Variants in HELB observed in about 807,000 individuals in gnomAD.
HELB encodes the protein DNA 5'-3' helicase B.
HELB carries 96 observed loss-of-function variants against 101.7 expected under a neutral mutation model. The observed-to-expected ratio is 0.94, with a 90% CI of 0.80 to 1.12. The LOEUF (loss-of-function observed/expected upper bound fraction) is 1.12, where lower values mean the gene tolerates loss of function less well. Ranked by LOEUF, HELB falls within the 50% of genes most tolerant of loss-of-function variation. HELB has a pLI of 0.00. For missense variants in HELB, 1,210 were observed against 1,291.9 expected (o/e 0.94, Z 0.97); for synonymous variants, 437 against 459.7 (o/e 0.95, Z 0.63).
chr12:66,310,143 C>A lies in HELB; in HGVS notation c.1215C>A (p.Ser405Arg). Residue 405 changes from serine to arginine, a missense_variant, in exon 4 of 13, where the codon AGC becomes AGA. Ser to Arg is a moderately radical substitution (Grantham distance 110). Transcript: ENST00000247815. ...CAAGCGATGATGCATTGAATGAGAG[C>A]AAACCTGATGAAGTAAGATTAGAAA... Reference protein sequence around the residue: ...ENSSDDALNESKPDEVRLENP... With the variant: ...ENSSDDALNERKPDEVRLENP... 2 of 1,614,194 alleles carry A rather than the reference C, an allele frequency of 1.2e-6. No homozygotes were observed. Among genetic ancestry groups the A allele is most frequent in the Non-Finnish European group, 8.5e-7 (1 of 1,180,024 alleles).
chr12:66,320,199 TA>T (rs1006386056), intron 7 of HELB, among the ~76,000 whole-genome samples: 35 of 148,538 alleles, frequency 2.4e-4, no homozygotes, highest in Admixed American at 2.7e-4. Flanking sequence ...TTATACTCTT[TA>T]AAAAAAAAAG....
chr12:66,334,878 C>A (rs1005024036), intron 12 of HELB, among the ~76,000 whole-genome samples: 2 of 152,048 alleles, frequency 1.3e-5, no homozygotes, highest in Admixed American at 1.3e-4. Flanking sequence ...GTGAGGAGAC[C>A]AGTAGGAGGT....
chr12:66,311,970 C>G (rs551807236), intron 4 of HELB, among the ~76,000 whole-genome samples: 1 of 152,192 alleles, frequency 6.6e-6, no homozygotes, highest in African/African-American at 2.4e-5. Flanking sequence ...GCAAAGGCAT[C>G]GAGGAATATG....
chr12:66,310,646 T>C lies in HELB; in HGVS notation c.1680+38T>C, dbSNP rs200233536. On this transcript the variant is annotated intron_variant, in intron 4 of 12. Coordinates refer to ENST00000247815, the MANE Select transcript of HELB (RefSeq NM_001370285.1). ...ACATTTCATCTGTAGATAAAACATT[T>C]GTCGGCCGGGCACAGTGGCTCACGC... is the stretch of plus-strand genomic sequence containing the variant. 27 of 1,567,692 alleles carry C rather than the reference T, an allele frequency of 1.7e-5. No homozygotes were observed. The East Asian group carries it at 5.8e-4, about 34-fold the overall frequency.
chr12:66,336,885 T>C (rs1478840502), intron 12 of HELB, among the ~76,000 whole-genome samples: 1 of 152,148 alleles, frequency 6.6e-6, no homozygotes, highest in Non-Finnish European at 1.5e-5. Context: ...TTTATGATGG[T>C]GATATTGACT....
Position 66,322,705 on chromosome 12 carries a change from G to T in HELB, c.2238-19G>T. 1.3e-6 allele frequency: 2 copies of T among 1,591,846 alleles called. No individual in the cohort carries two copies. The highest frequency in any genetic ancestry group is 1.7e-6 in the Non-Finnish European group (2 of 1,163,348). ...AGCAGAGACCATTAAGGTGACCCCTGCATTTTCGTGTGTTTCAGGCAAGAC... is the reference window on the plus strand; with the variant it reads ...AGCAGAGACCATTAAGGTGACCCCTTCATTTTCGTGTGTTTCAGGCAAGAC... On this transcript the variant is annotated intron_variant, in intron 8 of 12. Transcript: ENST00000247815.
At chr12:66,315,481 C>T (rs1468855183) in intron 6 of HELB, 98 bp downstream of exon 6, 5 of 799,290 alleles carry the variant, frequency 6.3e-6, no homozygotes, top group Non-Finnish European at 5.3e-6. Flanking sequence ...ACATTAACTA[C>T]ACCTTTTAGC....
rs992507847 is a variant in HELB at position 66,310,363 on chromosome 12, T to G, written c.1435T>G (p.Cys479Gly). The G allele has an allele frequency of 2.0e-5, 33 of 1,614,082 alleles. No homozygotes were observed. In the Admixed American group the frequency reaches 4.5e-4, roughly 22 times the overall value. The change falls in exon 4 of 13, where the codon TGT becomes GGT. Residue 479 changes from cysteine to glycine, a missense_variant. This residue lies in a region of HELB where 740 missense variants were observed against 728.8 expected (regional missense o/e 1.02). Transcript: ENST00000247815. The part of the protein sequence containing the change: ...PVTVISGKGG[C>G]GKTTIVSRLF... ...GACAGTCATAAGTGGGAAAGGTGGA[T>G]GTGGGAAGACCACAATCGTTAGCCG...
rs1432999533 is a variant in HELB, at chr12:66,318,737, C to T, written c.2100C>T (p.Val700=). 2 of 1,611,110 alleles carry T rather than the reference C, an allele frequency of 1.2e-6. No individual in the cohort carries two copies. Among genetic ancestry groups the T allele is most frequent in the East Asian group, 4.5e-5 (2 of 44,690 alleles). ...TTCAAGATAAGACATTTATTTTTGT[C>T]AGGCTCCCAGAAGAGGATGCCAGTT... is the stretch of plus-strand genomic sequence containing the variant. ...ISIQDKTFIF[V]RLPEEDASSQ... is the part of the protein sequence containing the mutation. Residue 700 remains valine (V), a synonymous_variant, in exon 7 of 13, where the codon GTC becomes GTT. Transcript: ENST00000247815.
chr12:66,307,386 C>A (rs983780747), intron 3 of HELB, among the ~76,000 whole-genome samples: 1 of 152,026 alleles, frequency 6.6e-6, no homozygotes. Flanking sequence ...TAAAAAAACC[C>A]TGTAAAATCC....
intron 11 of HELB, 73 bp from the exon 12 acceptor site, chr12:66,331,081 T>G: frequency 6.7e-7 from 1 of 1,498,714 alleles, no homozygotes; most frequent in South Asian, 1.3e-5. Context: ...AACACTTGTC[T>G]CCTTTCCTTG....
downstream of HELB, chr12:66,341,465 A>G (rs765469610): frequency 2.0e-5 from 3 of 152,104 alleles, no homozygotes; most frequent in Non-Finnish European, 2.9e-5. Context: ...CAGGGGAACA[A>G]TGCTTCATCA....
At chr12:66,325,162 T>C in intron 11 of HELB, 36 bp downstream of exon 11, 1 of 1,452,096 alleles carries the variant, frequency 6.9e-7, no homozygotes. Flanking sequence ...TTTAAATAAT[T>C]TACCAACCTT....
chr12:66,328,538 C>T (rs559016911), intron 11 of HELB, among the ~76,000 whole-genome samples: 1 of 152,176 alleles, frequency 6.6e-6, no homozygotes, highest in South Asian at 2.1e-4. Context: ...GAGTGAGACC[C>T]TCTCTCAAAA....
Position 66,309,851 on chromosome 12 carries a change from A to G in HELB, c.923A>G (p.Asp308Gly), listed in dbSNP as rs773808619. Residue 308 changes from aspartate to glycine, a missense_variant, in exon 4 of 13, where the codon GAT becomes GGT. This residue lies in a region of HELB where 470 missense variants were observed against 563.1 expected (regional missense o/e 0.83). Transcript: ENST00000247815. ...YSRLKQICRE[D>G]GHTYVEVNDL... ...AGACTGAAGCAGATATGTAGAGAAGATGGGCACACATATGTTGAAGTGAAT... is the reference window on the plus strand; with the variant it reads ...AGACTGAAGCAGATATGTAGAGAAGGTGGGCACACATATGTTGAAGTGAAT... 3.1e-6 allele frequency: 5 copies of G among 1,614,144 alleles called. No individual in the cohort carries two copies. The highest frequency in any genetic ancestry group is 3.4e-6 in the Non-Finnish European group (4 of 1,179,970).
At chr12:66,312,645 A>G (rs2053557551) in intron 4 of HELB, among the ~76,000 whole-genome samples, 1 of 152,216 alleles carries the variant, frequency 6.6e-6, no homozygotes, top group Non-Finnish European at 1.5e-5. Flanking sequence ...AGTTGGTAGT[A>G]TCTTAATATC....
chr12:66,317,363 G>T (rs1170456326), intron 6 of HELB, among the ~76,000 whole-genome samples: 1 of 152,176 alleles, frequency 6.6e-6, no homozygotes, highest in Non-Finnish European at 1.5e-5. Flanking sequence ...GGACAAAATT[G>T]TGGGAGTAGA....
intron 1 of HELB, among the ~76,000 whole-genome samples, chr12:66,302,995 T>G (rs1371608288): frequency 6.6e-6 from 1 of 151,804 alleles, no homozygotes; most frequent in African/African-American, 2.4e-5. Flanking sequence ...GTTTTTTTTT[T>G]TTTTTCTTTT....
rs749425011 is a variant in HELB, at chr12:66,318,793, G to C, written c.2155+1G>C. 20 of 1,598,300 alleles carry C rather than the reference G, an allele frequency of 1.3e-5. No homozygotes were observed. Among genetic ancestry groups the C allele is most frequent in the South Asian group, 3.4e-5 (3 of 87,786 alleles). On this transcript the variant is annotated splice_donor_variant, in intron 7 of 12. Transcript: ENST00000247815. LOFTEE classifies it high-confidence loss of function. ...TCATCTAAAACTAATCATCACTCTT[G>C]TAAGTATAAACTTCTATGAGATGTA...
Sources: allele counts gnomAD v4.1 joint callset (sites outside exome capture counted in the v4.1 genomes callset), GRCh38; gene constraint gnomAD v4.1.1; regional missense constraint gnomAD v4.1.1; transcripts MANE v1.5; gene names NCBI Gene and HGNC (gene_info 2026-07-23, HGNC 2026-07-21).